OPCML: variants seen among roughly 807,000 people sequenced by gnomAD.
OPCML encodes opioid binding protein/cell adhesion molecule like, also known as opioid-binding protein/cell adhesion molecule.
In OPCML, 13 loss-of-function variants were observed where a neutral mutation model predicts 37.8. That is an observed-to-expected ratio of 0.34 (90% CI 0.22 to 0.55). The LOEUF is 0.55. Ranked by LOEUF, OPCML falls within the 20% of genes least tolerant of loss-of-function variation. The pLI is 0.91. For missense variants in OPCML, 341 were observed against 435.6 expected (o/e 0.78, Z 1.93); for synonymous variants, 176 against 168.8 (o/e 1.04, Z -0.33).
intron 2 of OPCML, among the ~76,000 whole-genome samples, chr11:132,885,998 A>G (rs923836159): frequency 4.6e-5 from 7 of 152,232 alleles, no homozygotes; most frequent in Admixed American, 3.9e-4. Context: ...CACCATTATA[A>G]TATACATACT....
intron 3 of OPCML, among the ~76,000 whole-genome samples, chr11:132,554,994 T>A (rs1311351773): frequency 6.7e-6 from 1 of 148,682 alleles, no homozygotes; most frequent in Non-Finnish European, 1.5e-5. Flanking sequence ...TAAAAAGTCC[T>A]TAGGATGCAC....
chr11:133,204,878 A>ATATATATGTGTGTG lies in OPCML; in HGVS notation c.62-261869_62-261868insCACACACATATATA, dbSNP rs1565502208. Among the ~76,000 whole-genome samples the ATATATATGTGTGTG allele has an allele frequency of 3.4e-3, 87 of 25,924 alleles. 1 individual carries two copies. The highest frequency in any genetic ancestry group is 0.013 in the African/African-American group (84 of 6,236). 17.0% of individuals were successfully genotyped at this position (25,924 alleles called of 152,430 possible). A position where few individuals can be genotyped will look rare whatever the true frequency, so the allele number is the denominator to read the frequency against. On this transcript the variant is annotated intron_variant, in intron 1 of 7. Transcript: ENST00000524381. ...TATATATATATATGTGTATATATAT[A>ATATATATGTGTGTG]TATATATATATATATATATATATAT...
chr11:132,877,737 C>T (rs1441365093), intron 2 of OPCML, among the ~76,000 whole-genome samples: 2 of 152,156 alleles, frequency 1.3e-5, no homozygotes, highest in South Asian at 4.1e-4. Context: ...CTAGACTTTA[C>T]TCTGTGCTCA....
At chr11:133,063,751 G>A (rs1178143806) in intron 1 of OPCML, among the ~76,000 whole-genome samples, 1 of 152,072 alleles carries the variant, frequency 6.6e-6, no homozygotes, top group South Asian at 2.1e-4. Flanking sequence ...TAGTAGAGAC[G>A]AAGTTTCACC....
chr11:133,375,114 G>A (rs557475380), intron 1 of OPCML, among the ~76,000 whole-genome samples: 6 of 152,234 alleles, frequency 3.9e-5, no homozygotes, highest in African/African-American at 1.4e-4. Context: ...ACATATTCCA[G>A]TTCTGCTCCC....
intron 1 of OPCML, among the ~76,000 whole-genome samples, chr11:133,117,332 T>C (rs1275855918): frequency 6.6e-6 from 1 of 152,204 alleles, no homozygotes; most frequent in African/African-American, 2.4e-5. Context: ...TCCTCATTTA[T>C]CTCACAGCTT....
chr11:133,108,914 C>T (rs1285783312), intron 1 of OPCML, among the ~76,000 whole-genome samples: 1 of 152,194 alleles, frequency 6.6e-6, no homozygotes, highest in Middle Eastern at 3.2e-3. Context: ...ATGCAGGAAG[C>T]CTGACTCCAC....
chr11:132,548,725 T>C (rs1358276310), intron 3 of OPCML, among the ~76,000 whole-genome samples: 1 of 152,132 alleles, frequency 6.6e-6, no homozygotes, highest in Non-Finnish European at 1.5e-5. Context: ...TGGACCCAAG[T>C]TAAATTCAAG....
At chr11:132,907,644 GA>G (rs1484177620) in intron 2 of OPCML, among the ~76,000 whole-genome samples, 4 of 139,876 alleles carry the variant, frequency 2.9e-5, no homozygotes, top group Non-Finnish European at 4.9e-5. Context: ...AAAAAAAAAA[GA>G]AGAAGAAAAG....
chr11:132,719,620 G>T (rs1330309745), intron 2 of OPCML, among the ~76,000 whole-genome samples: 3 of 152,206 alleles, frequency 2.0e-5, no homozygotes, highest in African/African-American at 7.2e-5. Context: ...CTGCTCACAA[G>T]CTCCCCTGGC....
chr11:132,697,713 A>G (rs1943648182), intron 2 of OPCML, among the ~76,000 whole-genome samples: 1 of 152,076 alleles, frequency 6.6e-6, no homozygotes. Context: ...GCTATTGTGC[A>G]CAGTGTTGCA....
intron 3 of OPCML, among the ~76,000 whole-genome samples, chr11:132,633,063 G>A (rs1261455664): frequency 1.3e-5 from 2 of 152,094 alleles, no homozygotes; most frequent in Non-Finnish European, 2.9e-5. Flanking sequence ...TGACGGTGGA[G>A]CATGAGGAAG....
Position 133,460,649 on chromosome 11 carries a change from A to G in OPCML, c.61+71615T>C, listed in dbSNP as rs1007210575. On this transcript the variant is annotated intron_variant, in intron 1 of 7. Coordinates refer to ENST00000524381, the MANE Select transcript of OPCML (RefSeq NM_001012393.5). ...TACCAGGACTGAATCACGAAGAAATAAAAAATTTGAATAGACCTATAACTA... is the reference window on the plus strand; with the variant it reads ...TACCAGGACTGAATCACGAAGAAATGAAAAATTTGAATAGACCTATAACTA... Among the ~76,000 whole-genome samples the G allele has an allele frequency of 5.3e-5, 8 of 152,046 alleles. No homozygotes were observed. The South Asian group carries it at 6.2e-4, about 12-fold the overall frequency.
intron 1 of OPCML, among the ~76,000 whole-genome samples, chr11:133,260,253 G>A (rs1186411184): frequency 2.6e-5 from 4 of 151,852 alleles, no homozygotes; most frequent in Admixed American, 6.6e-5. Flanking sequence ...GCCGGGGGAG[G>A]GGATCCAGTA....
At chr11:132,442,695 C>T (rs1010169574) in intron 4 of OPCML, among the ~76,000 whole-genome samples, 3 of 152,106 alleles carry the variant, frequency 2.0e-5, no homozygotes, top group African/African-American at 7.2e-5. Flanking sequence ...GCGCAGTTCC[C>T]CCATACTGTA....
At chr11:133,105,872 C>T (rs1244248247) in intron 1 of OPCML, among the ~76,000 whole-genome samples, 1 of 152,008 alleles carries the variant, frequency 6.6e-6, no homozygotes, top group Non-Finnish European at 1.5e-5. Context: ...ATCCCAGCTA[C>T]TCAGGAGGCT....
intron 3 of OPCML, among the ~76,000 whole-genome samples, chr11:132,585,809 T>A (rs924041651): frequency 1.3e-5 from 2 of 152,192 alleles, no homozygotes; most frequent in Non-Finnish European, 2.9e-5. Flanking sequence ...AGTTTCTGGA[T>A]CTTAAATAGT....
At position 133,158,763 on chromosome 11, in the gene OPCML, TTAAA is replaced by T. The variant is rs879300506; in HGVS notation, c.62-215757_62-215754del. 4.1e-3 allele frequency among the ~76,000 whole-genome samples: 517 copies of T among 126,070 alleles called. 1 individual carries two copies. The highest frequency in any genetic ancestry group is 6.1e-3 in the Non-Finnish European group (358 of 58,834). The allele number at this position is 126,070 out of a possible 152,430, so 82.7% of individuals were successfully genotyped here. On this transcript the variant is annotated intron_variant, in intron 1 of 7. Coordinates refer to ENST00000524381, the MANE Select transcript of OPCML (RefSeq NM_001012393.5). Reference sequence around the variant, plus strand: ...AAAATAAAATAAAATAAAATGAAAATTAAAAAAAATTTCTAGGAGGTATGAAAGC... The same window carrying T: ...AAAATAAAATAAAATAAAATGAAAATAAAAATTTCTAGGAGGTATGAAAGC...
At chr11:133,529,259 C>T (rs1022887728) in intron 1 of OPCML, among the ~76,000 whole-genome samples, 3 of 152,332 alleles carry the variant, frequency 2.0e-5, no homozygotes, top group East Asian at 3.9e-4. Context: ...ACATTTTAAC[C>T]TGCCTCTCTC....
Sources: gnomAD v4.1 joint callset for allele counts (sites outside exome capture counted in the v4.1 genomes callset) on GRCh38, gnomAD v4.1.1 for gene constraint, MANE v1.5 for transcripts, NCBI Gene and HGNC (gene_info 2026-07-23, HGNC 2026-07-21) for gene names.